The following DOK6 variants were observed in gnomAD, a reference collection of about 807,000 sequenced individuals.
The protein encoded by DOK6 is downstream of tyrosine kinase 6.
Under a neutral mutation model 44.0 loss-of-function variants are expected in DOK6, and 22 were observed. The ratio of observed to expected loss-of-function variants is 0.50; its 90% confidence interval spans 0.36 to 0.71. The LOEUF is 0.71. DOK6 is among the 30% of genes least tolerant of loss of function. The pLI is 0.00. For missense variants in DOK6, 340 were observed against 416.4 expected, an observed-to-expected ratio of 0.82 and a Z score of 1.60; for synonymous variants, 166 against 145.5, an observed-to-expected ratio of 1.14 and a Z score of -1.01.
chr18:69,426,637 TTCAA>T (rs1348470676), intron 1 of DOK6, among the ~76,000 whole-genome samples: 3 of 152,218 alleles, frequency 2.0e-5, no homozygotes, highest in Non-Finnish European at 4.4e-5. Context: ...AAGTTAGATA[TTCAA>T]TCAATACAGT....
chr18:69,763,595 A>T (rs1468143610), intron 7 of DOK6, among the ~76,000 whole-genome samples: 1 of 152,182 alleles, frequency 6.6e-6, no homozygotes, highest in East Asian at 1.9e-4. Context: ...GAAAGAAAGA[A>T]ATACAGAGAA....
intron 5 of DOK6, among the ~76,000 whole-genome samples, chr18:69,715,667 ACT>A (rs1326057867): frequency 1.3e-5 from 2 of 152,062 alleles, no homozygotes; most frequent in Non-Finnish European, 2.9e-5. Flanking sequence ...GAAATAAAGG[ACT>A]CTCTCTAAAG....
intron 2 of DOK6, among the ~76,000 whole-genome samples, chr18:69,593,476 G>A (rs1015010447): frequency 6.6e-5 from 10 of 152,050 alleles, no homozygotes; most frequent in African/African-American, 2.4e-4. Flanking sequence ...TGCTGAAGTG[G>A]ATAACATCAC....
intron 3 of DOK6, among the ~76,000 whole-genome samples, chr18:69,609,128 T>C (rs10439008): frequency 0.94 from 143,142 of 152,134 alleles, 67,955 homozygotes; most frequent in East Asian, 1. Flanking sequence ...AAAGCTCAGA[T>C]AACAAAAGCA....
intron 1 of DOK6, among the ~76,000 whole-genome samples, chr18:69,487,763 T>C (rs889799149): frequency 6.6e-6 from 1 of 152,160 alleles, no homozygotes; most frequent in Non-Finnish European, 1.5e-5. Flanking sequence ...CTCCACATTT[T>C]GAAGATCTCT....
chr18:69,639,257 A>T (rs1210000673), intron 3 of DOK6, among the ~76,000 whole-genome samples: 1 of 152,230 alleles, frequency 6.6e-6, no homozygotes, highest in African/African-American at 2.4e-5. Context: ...GTCTTAAAAC[A>T]AAGCTTGAAA....
chr18:69,552,735 A>G lies in DOK6; in HGVS notation c.67-11752A>G, dbSNP rs1043471357. Among the ~76,000 whole-genome samples the G allele has an allele frequency of 4.6e-5, 7 of 152,346 alleles. No homozygotes were observed. In the East Asian group the frequency reaches 1.3e-3, roughly 29 times the overall value. ...TGAACTCCATGAAGACAAGGATGGC[A>G]GGTGTTCTTGTTTGTTTCATTCACT... is the stretch of plus-strand genomic sequence containing the variant. On this transcript the variant is annotated intron_variant, in intron 1 of 7. Coordinates refer to ENST00000382713, the MANE Select transcript of DOK6 (RefSeq NM_152721.6).
At chr18:69,452,225 G>A (rs1303527296) in intron 1 of DOK6, among the ~76,000 whole-genome samples, 2 of 148,878 alleles carry the variant, frequency 1.3e-5, no homozygotes, top group Non-Finnish European at 3.0e-5. Context: ...AAATGATAAA[G>A]GGGATATCAC....
At chr18:69,684,693 A>C (rs1295007065) in intron 4 of DOK6, among the ~76,000 whole-genome samples, 3 of 152,140 alleles carry the variant, frequency 2.0e-5, no homozygotes, top group Admixed American at 2.0e-4. Flanking sequence ...ATCCTGTATA[A>C]ATTGGAGGTT....
chr18:69,601,025 T>C (rs1388313738), intron 3 of DOK6, among the ~76,000 whole-genome samples: 1 of 152,216 alleles, frequency 6.6e-6, no homozygotes, highest in African/African-American at 2.4e-5. Context: ...TAATCTACTC[T>C]CCATTTAACT....
At chr18:69,670,951 C>G (rs1243492684) in intron 3 of DOK6, among the ~76,000 whole-genome samples, 2 of 151,956 alleles carry the variant, frequency 1.3e-5, no homozygotes, top group African/African-American at 4.8e-5. Context: ...AAAAAATATC[C>G]AATTCCCATC....
chr18:69,401,210 G>A lies in DOK6; in HGVS notation c.-35G>A. 1 of 1,536,350 alleles carries A rather than the reference G, an allele frequency of 6.5e-7. No homozygotes were observed. The highest frequency in any genetic ancestry group is 1.2e-5 in the South Asian group (1 of 83,180). On this transcript the variant is annotated 5_prime_UTR_variant, in exon 1 of 8. Transcript: ENST00000382713. ...ACGGCGGCTCTCGACTCCGGAGAGC[G>A]GATCGCGGGGCGCAGGAGCCCGATC... is the stretch of plus-strand genomic sequence containing the variant.
At position 69,785,904 on chromosome 18, in the gene DOK6, G is replaced by T. The variant is rs1980414684; in HGVS notation, c.856+28031G>T. On this transcript the variant is annotated intron_variant, in intron 7 of 7. Transcript: ENST00000382713. ...CTCTTCTAGCTCTCTTTGTTAGAAA[G>T]GTAATGCTCTCTCAGAGTTAGACCT... 2.0e-5 allele frequency among the ~76,000 whole-genome samples: 3 copies of T among 152,116 alleles called. No individual in the cohort carries two copies. The South Asian group carries it at 6.2e-4, about 32-fold the overall frequency.
At position 69,498,460 on chromosome 18, in the gene DOK6, T is replaced by G. The variant is rs139631250; in HGVS notation, c.67-66027T>G. 2.6e-4 allele frequency among the ~76,000 whole-genome samples: 39 copies of G among 152,318 alleles called. 1 individual carries two copies. In the East Asian group the frequency reaches 7.1e-3, roughly 28 times the overall value. ...ATTCTTATTTTTTATGCAAATAATT[T>G]GATATGATAAGGAATACCAAATGAT... On this transcript the variant is annotated intron_variant, in intron 1 of 7. Coordinates refer to ENST00000382713, the MANE Select transcript of DOK6 (RefSeq NM_152721.6).
At chr18:69,432,250 C>T (rs180908674) in intron 1 of DOK6, among the ~76,000 whole-genome samples, 3 of 152,252 alleles carry the variant, frequency 2.0e-5, no homozygotes, top group Admixed American at 2.0e-4. Flanking sequence ...TGAGACCAGC[C>T]TGGGCAACAT....
intron 6 of DOK6, among the ~76,000 whole-genome samples, chr18:69,745,731 T>G (rs1234036350): frequency 6.6e-6 from 1 of 152,168 alleles, no homozygotes; most frequent in Non-Finnish European, 1.5e-5. Flanking sequence ...AGGTGTTGAG[T>G]GAAGCACAAT....
chr18:69,556,629 C>A (rs1982694434), intron 1 of DOK6, among the ~76,000 whole-genome samples: 1 of 152,022 alleles, frequency 6.6e-6, no homozygotes, highest in Admixed American at 6.6e-5. Context: ...CGTTTAAATT[C>A]TTTTTTATTA....
At chr18:69,566,065 G>T (rs367935109) in intron 2 of DOK6, among the ~76,000 whole-genome samples, 1 of 152,144 alleles carries the variant, frequency 6.6e-6, no homozygotes, top group South Asian at 2.1e-4. Flanking sequence ...CCTGCCTGCT[G>T]GTTAGTGACA....
intron 5 of DOK6, among the ~76,000 whole-genome samples, chr18:69,715,912 A>T (rs114050706): frequency 6.6e-6 from 1 of 152,242 alleles, no homozygotes; most frequent in Non-Finnish European, 1.5e-5. Context: ...TTGAGGTTGC[A>T]TTCATTATAT....
Sources: gnomAD v4.1 joint callset for allele counts (sites outside exome capture counted in the v4.1 genomes callset) on GRCh38, gnomAD v4.1.1 for gene constraint, MANE v1.5 for transcripts, NCBI Gene and HGNC (gene_info 2026-07-23, HGNC 2026-07-21) for gene names.